Variants in RB1 observed in about 807,000 individuals in gnomAD.
RB1 encodes the protein retinoblastoma-associated protein.
RB1 carries 18 observed loss-of-function variants against 135.4 expected under a neutral mutation model. The ratio of observed to expected loss-of-function variants is 0.13; its 90% CI spans 0.09 to 0.20. RB1 has a LOEUF of 0.20. RB1 is among the 10% of genes least tolerant of loss of function. RB1 has a pLI of 1.00. For synonymous variants in RB1, 365 were observed against 373.2 expected, an observed-to-expected ratio of 0.98 and a Z score of 0.25; for missense variants, 868 against 1,110.0, an observed-to-expected ratio of 0.78 and a Z score of 3.10.
chr13:48,318,049 G>A lies in RB1; in HGVS notation c.264+10643G>A, dbSNP rs539861040. ...AGCCGGGGCTGGGAGCTGGGCCCTGGCATTCCCTGGGGAAATGGATTCCCT... is the reference window on the plus strand; with the variant it reads ...AGCCGGGGCTGGGAGCTGGGCCCTGACATTCCCTGGGGAAATGGATTCCCT... On this transcript the variant is annotated intron_variant, in intron 2 of 26. Transcript: ENST00000267163. 686 of 527,078 alleles carry A rather than the reference G, an allele frequency of 1.3e-3. 5 individuals are homozygous for A. Among genetic ancestry groups the A allele is most frequent in the Middle Eastern group, 9.7e-3 (16 of 1,652 alleles). 32.7% of individuals were successfully genotyped at this position (527,078 alleles called of 1,614,324 possible).
intron 12 of RB1, among the ~76,000 whole-genome samples, chr13:48,374,853 C>T (rs182999414): frequency 2.6e-4 from 40 of 152,134 alleles, no homozygotes; most frequent in Admixed American, 2.2e-3. Flanking sequence ...TTTCAACCCT[C>T]GCTCTCTTCC....
chr13:48,370,458 G>A (rs772910438), intron 11 of RB1, among the ~76,000 whole-genome samples: 20 of 152,280 alleles, frequency 1.3e-4, no homozygotes, highest in Admixed American at 6.5e-4. Context: ...CTGGGTTTTT[G>A]GATCTTCTGA....
intron 24 of RB1, among the ~76,000 whole-genome samples, chr13:48,475,672 C>A (rs368220797): frequency 6.6e-6 from 1 of 152,170 alleles, no homozygotes; most frequent in Non-Finnish European, 1.5e-5. Context: ...CTAGCCCACA[C>A]ACGAGGGGAG....
chr13:48,448,289 A>G (rs1411337683), intron 17 of RB1, among the ~76,000 whole-genome samples: 2 of 152,330 alleles, frequency 1.3e-5, no homozygotes, highest in African/African-American at 2.4e-5. Flanking sequence ...TGACTTGTCA[A>G]CAAAAATTAT....
intron 23 of RB1, among the ~76,000 whole-genome samples, chr13:48,471,827 G>A (rs1372944203): frequency 6.6e-6 from 1 of 152,056 alleles, no homozygotes; most frequent in African/African-American, 2.4e-5. Flanking sequence ...CCTTTTGCTT[G>A]TTATATTAAA....
chr13:48,441,055 A>G (rs1315783320), intron 17 of RB1, among the ~76,000 whole-genome samples: 1 of 152,248 alleles, frequency 6.6e-6, no homozygotes, highest in Non-Finnish European at 1.5e-5. Context: ...GGATCTGTTC[A>G]GTCTGCTTTA....
At chr13:48,462,659 A>ACTT (rs1201318543) in intron 20 of RB1, among the ~76,000 whole-genome samples, 3 of 152,150 alleles carry the variant, frequency 2.0e-5, no homozygotes, top group Non-Finnish European at 4.4e-5. Flanking sequence ...TATCTAAGAA[A>ACTT]CCAGTGCCAA....
intron 2 of RB1, chr13:48,317,373 CG>C: frequency 2.7e-6 from 1 of 371,884 alleles, no homozygotes; most frequent in Non-Finnish European, 4.9e-6. Context: ...CTCTACTTTC[CG>C]AGCGCAGCGC....
chr13:48,462,864 C>T (rs1434307067), intron 20 of RB1, among the ~76,000 whole-genome samples: 1 of 152,012 alleles, frequency 6.6e-6, no homozygotes, highest in African/African-American at 2.4e-5. Flanking sequence ...TCTTCATTGA[C>T]AGTTGTCAAA....
intron 2 of RB1, among the ~76,000 whole-genome samples, chr13:48,322,015 CTT>C (rs1305579094): frequency 6.6e-6 from 1 of 152,132 alleles, no homozygotes; most frequent in Non-Finnish European, 1.5e-5. Flanking sequence ...AGGGTTGTCT[CTT>C]TTCTCTGTTG....
chr13:48,455,654 G>A (rs1331852366), intron 18 of RB1, among the ~76,000 whole-genome samples: 1 of 152,134 alleles, frequency 6.6e-6, no homozygotes, highest in African/African-American at 2.4e-5. Flanking sequence ...AGCACAGAAC[G>A]ATAATATTTG....
At chr13:48,451,738 A>T (rs1949328217) in intron 17 of RB1, among the ~76,000 whole-genome samples, 1 of 140,144 alleles carries the variant, frequency 7.1e-6, no homozygotes, top group African/African-American at 2.6e-5. Flanking sequence ...TGATCCTGGG[A>T]TTTTTTTTTT....
intron 17 of RB1, among the ~76,000 whole-genome samples, chr13:48,446,693 C>A (rs1310639176): frequency 6.6e-6 from 1 of 151,998 alleles, no homozygotes; most frequent in Non-Finnish European, 1.5e-5. Context: ...GTATTTTGGG[C>A]AGAGGAAACA....
At chr13:48,384,062 C>T (rs1948555591) in intron 17 of RB1, among the ~76,000 whole-genome samples, 1 of 152,056 alleles carries the variant, frequency 6.6e-6, no homozygotes, top group South Asian at 2.1e-4. Flanking sequence ...GTACTCAAGC[C>T]TGTTTAGCTC....
In RB1 at chr13:48,477,458, A is replaced by G; in HGVS notation, c.2713+54A>G. 3 of 1,395,632 alleles carry G rather than the reference A, an allele frequency of 2.1e-6. 1 individual carries two copies. The South Asian group carries it at 3.5e-5, about 16-fold the overall frequency. 86.5% of individuals were successfully genotyped at this position (1,395,632 alleles called of 1,614,324 possible). On this transcript the variant is annotated intron_variant, in intron 26 of 26. Transcript: ENST00000267163. ...GAAATAAACAATTGTTTACACTGCA[A>G]GAAGTCTTTTCGTTATATAAAAGAA...
intron 11 of RB1, 54 bp from the exon 12 acceptor site, chr13:48,373,345 ATTTTTT>A: frequency 9.7e-7 from 1 of 1,035,146 alleles, no homozygotes; most frequent in Non-Finnish European, 1.5e-6. Context: ...AAAACATTTC[ATTTTTT>A]CTTTTTTTCT....
intron 13 of RB1, 27 bp from the exon 14 acceptor site, chr13:48,379,567 C>G (rs939489302): frequency 6.2e-7 from 1 of 1,606,090 alleles, no homozygotes; most frequent in Non-Finnish European, 8.5e-7. Context: ...ATAGCAGGCT[C>G]TTATTTTTCT....
At chr13:48,395,001 A>G (rs903360515) in intron 17 of RB1, among the ~76,000 whole-genome samples, 6 of 152,190 alleles carry the variant, frequency 3.9e-5, no homozygotes, top group Admixed American at 6.5e-5. Flanking sequence ...GGAGAGTTCC[A>G]GCTGCCATCT....
rs1025160744 is a variant in RB1, at chr13:48,421,737, C to T, written c.1696-31256C>T. The stretch of plus-strand genomic sequence containing the variant: ...TGAACTGACACTTCTCAAAAGAAGA[C>T]ATTTATGTGGCCAACAAGCATATGA... On this transcript the variant is annotated intron_variant, in intron 17 of 26. Coordinates refer to ENST00000267163, the MANE Select transcript of RB1 (RefSeq NM_000321.3). Among the ~76,000 whole-genome samples, 3 of 152,156 alleles carry T rather than the reference C, an allele frequency of 2.0e-5. No individual in the cohort carries two copies. In the East Asian group the frequency reaches 5.8e-4, roughly 29 times the overall value.
Sources: allele counts gnomAD v4.1 joint callset (sites outside exome capture counted in the v4.1 genomes callset), GRCh38; gene constraint gnomAD v4.1.1; transcripts MANE v1.5; gene names NCBI Gene and HGNC (gene_info 2026-07-23, HGNC 2026-07-21).